KIAA1217: variants seen among roughly 807,000 people sequenced by gnomAD.
The protein encoded by KIAA1217 is KIAA1217.
KIAA1217 carries 88 observed loss-of-function variants against 163.9 expected under a neutral mutation model. The observed-to-expected ratio is 0.54, with a 90% confidence interval of 0.45 to 0.64. KIAA1217 has a LOEUF of 0.64. Ranked by LOEUF, KIAA1217 falls within the 30% of genes least tolerant of loss-of-function variation. KIAA1217 has a pLI of 0.00. For synonymous variants in KIAA1217, 903 were observed against 923.1 expected, an observed-to-expected ratio of 0.98 and a Z score of 0.39; for missense variants, 2,372 against 2,475.0, an observed-to-expected ratio of 0.96 and a Z score of 0.88.
chr10:24,300,772 G>T (rs1279621693), intron 2 of KIAA1217, among the ~76,000 whole-genome samples: 4 of 151,952 alleles, frequency 2.6e-5, no homozygotes, highest in Admixed American at 6.6e-5. Flanking sequence ...TCACCATGTT[G>T]GCCAGGCTGG....
At chr10:24,380,761 A>G in intron 2 of KIAA1217, 108 bp from the exon 3 acceptor site, 2 of 793,918 alleles carry the variant, frequency 2.5e-6, no homozygotes, top group South Asian at 5.5e-5. Flanking sequence ...ATGGACTGTT[A>G]CCCCTTGCCA....
At position 23,900,831 on chromosome 10, in the gene KIAA1217, A is replaced by C. The variant is rs139979416; in HGVS notation, c.-320-106394A>C. Among the ~76,000 whole-genome samples the C allele has an allele frequency of 1.5e-4, 23 of 152,232 alleles. No homozygotes were observed. The East Asian group carries it at 4.5e-3, about 30-fold the overall frequency. ...TCCAACTGTATCATGTCCAGTTGTC[A>C]TGGACTAGGGTAAGCTATAAAGCTT... On this transcript the variant is annotated intron_variant, in intron 1 of 18. Coordinates refer to the KIAA1217 transcript ENST00000376462.
chr10:24,414,670 G>A (rs1411831194), intron 3 of KIAA1217, among the ~76,000 whole-genome samples: 1 of 152,162 alleles, frequency 6.6e-6, no homozygotes, highest in Non-Finnish European at 1.5e-5. Flanking sequence ...AAGATCTGGG[G>A]ACATGGACCC....
At chr10:23,787,457 G>A (rs1835546164) in intron 1 of KIAA1217, among the ~76,000 whole-genome samples, 1 of 152,094 alleles carries the variant, frequency 6.6e-6, no homozygotes, top group Non-Finnish European at 1.5e-5. Context: ...GTAAACACAG[G>A]GTTCTTCAGG....
intron 1 of KIAA1217, among the ~76,000 whole-genome samples, chr10:23,824,538 G>A (rs1837782551): frequency 6.9e-6 from 1 of 144,092 alleles, no homozygotes; most frequent in South Asian, 2.3e-4. Context: ...TGAGGCAGGA[G>A]AATTGCTTGA....
At chr10:24,397,431 A>G (rs573486410) in intron 3 of KIAA1217, among the ~76,000 whole-genome samples, 7 of 152,290 alleles carry the variant, frequency 4.6e-5, no homozygotes, top group African/African-American at 1.7e-4. Context: ...AAACATCACC[A>G]TAGTAGCTAA....
intron 1 of KIAA1217, among the ~76,000 whole-genome samples, chr10:23,847,149 G>A (rs559278990): frequency 1.3e-5 from 2 of 152,236 alleles, no homozygotes; most frequent in East Asian, 1.9e-4. Context: ...GTATTTTATT[G>A]AGGATTTTCA....
intron 2 of KIAA1217, among the ~76,000 whole-genome samples, chr10:24,363,570 T>G (rs2134288090): frequency 6.7e-6 from 1 of 150,068 alleles, no homozygotes; most frequent in South Asian, 2.1e-4. Flanking sequence ...TGTTTTTGTT[T>G]TTTTTTTTTT....
chr10:24,134,782 G>A (rs544936149), intron 2 of KIAA1217, among the ~76,000 whole-genome samples: 1 of 152,184 alleles, frequency 6.6e-6, no homozygotes, highest in African/African-American at 2.4e-5. Flanking sequence ...TCACTGTGTT[G>A]CCCAAGCTGA....
chr10:23,767,716 A>G (rs1038293440), intron 1 of KIAA1217, among the ~76,000 whole-genome samples: 4 of 152,138 alleles, frequency 2.6e-5, no homozygotes, highest in African/African-American at 7.2e-5. Flanking sequence ...CTGGTGATGC[A>G]TTTGCATGGG....
chr10:23,998,654 A>G (rs1846609430), intron 1 of KIAA1217, among the ~76,000 whole-genome samples: 1 of 152,174 alleles, frequency 6.6e-6, no homozygotes, highest in Non-Finnish European at 1.5e-5. Flanking sequence ...CCATGACACT[A>G]TATTCTGAAT....
chr10:23,722,048 A>G (rs1837900556), intron 1 of KIAA1217, among the ~76,000 whole-genome samples: 1 of 152,216 alleles, frequency 6.6e-6, no homozygotes, highest in Non-Finnish European at 1.5e-5. Flanking sequence ...TACAACATGA[A>G]TGAACCTCGA....
In KIAA1217 at chr10:24,219,986, G is replaced by T. The variant is rs117193745; in HGVS notation, c.354+77G>T. ...CGAGGAAAGCAAACTTACTTTCTTTGTAAAAGGTAAAGGATAGCTTAGTGG... is the reference window on the plus strand; with the variant it reads ...CGAGGAAAGCAAACTTACTTTCTTTTTAAAAGGTAAAGGATAGCTTAGTGG... On this transcript the variant is annotated intron_variant, in intron 2 of 20. Coordinates refer to ENST00000376454, the MANE Select transcript of KIAA1217 (RefSeq NM_019590.5). 4,924 of 1,426,112 alleles carry T rather than the reference G, an allele frequency of 3.5e-3. 138 individuals are homozygous for T. The East Asian group carries it at 0.039, about 11-fold the overall frequency. The allele number at this position is 1,426,112 out of a possible 1,614,324, so 88.3% of individuals were successfully genotyped here.
chr10:23,923,053 G>C (rs1383928883), intron 1 of KIAA1217, among the ~76,000 whole-genome samples: 1 of 151,946 alleles, frequency 6.6e-6, no homozygotes, highest in Non-Finnish European at 1.5e-5. Flanking sequence ...CCCAAGCAGG[G>C]TACACTGTAC....
At chr10:23,767,069 G>A (rs1834566892) in intron 1 of KIAA1217, among the ~76,000 whole-genome samples, 1 of 152,202 alleles carries the variant, frequency 6.6e-6, no homozygotes, top group African/African-American at 2.4e-5. Context: ...TGGGGACACA[G>A]AGAAACAGTG....
chr10:23,968,397 G>T (rs921853123), intron 1 of KIAA1217, among the ~76,000 whole-genome samples: 4 of 152,146 alleles, frequency 2.6e-5, no homozygotes, highest in Non-Finnish European at 5.9e-5. Flanking sequence ...TCTTGGCTAC[G>T]TAGACGGGTT....
chr10:24,142,125 A>ACAGC (rs1453638749), intron 2 of KIAA1217, among the ~76,000 whole-genome samples: 1 of 151,472 alleles, frequency 6.6e-6, no homozygotes, highest in African/African-American at 2.4e-5. Context: ...TTTTGTACTT[A>ACAGC]CAGCACAGTT....
chr10:24,036,773 C>G (rs1369095764), intron 2 of KIAA1217, among the ~76,000 whole-genome samples: 2 of 152,158 alleles, frequency 1.3e-5, no homozygotes, highest in Non-Finnish European at 2.9e-5. Flanking sequence ...ACCACGAGGA[C>G]CGCAACAAGC....
intron 2 of KIAA1217, among the ~76,000 whole-genome samples, chr10:24,343,861 G>A (rs998337913): frequency 2.6e-5 from 4 of 152,166 alleles, no homozygotes; most frequent in Non-Finnish European, 4.4e-5. Context: ...TTCCCTTGTT[G>A]ATTTGAAATG....
Sources: allele counts gnomAD v4.1 joint callset (sites outside exome capture counted in the v4.1 genomes callset), GRCh38; gene constraint gnomAD v4.1.1; transcripts MANE v1.5; gene names NCBI Gene and HGNC (gene_info 2026-07-23, HGNC 2026-07-21).